NF1: variants seen among roughly 807,000 people sequenced by gnomAD.
NF1 encodes neurofibromin.
NF1 carries 122 observed loss-of-function variants against 325.7 expected under a neutral mutation model. The ratio of observed to expected loss-of-function variants is 0.37; its 90% CI spans 0.32 to 0.44. The LOEUF is 0.44. Among genes scored for constraint, NF1 ranks in the 20% least tolerant of loss-of-function variants. NF1 has a pLI of 1.00. For missense variants in NF1, 2,140 were observed against 3,415.4 expected (o/e 0.63, Z 9.31); for synonymous variants, 1,091 against 1,186.0 (o/e 0.92, Z 1.65).
At chr17:31,159,246 TGACA>T (rs1427295318) in intron 3 of NF1, among the ~76,000 whole-genome samples, 153 bp downstream of exon 3, 1 of 152,172 alleles carries the variant, frequency 6.6e-6, no homozygotes, top group Non-Finnish European at 1.5e-5. Context: ...GCTGACCTGG[TGACA>T]GACAATTTTT....
chr17:31,265,468 T>A, intron 36 of NF1, 129 bp downstream of exon 36: 1 of 692,604 alleles, frequency 1.4e-6, no homozygotes, highest in Non-Finnish European at 2.6e-6. Context: ...TGGGAGCATA[T>A]AGCAGGGTAA....
chr17:31,100,704 G>A (rs540261132), intron 1 of NF1, among the ~76,000 whole-genome samples: 1 of 152,048 alleles, frequency 6.6e-6, no homozygotes, highest in Admixed American at 6.6e-5. Context: ...CAAGTAGCTG[G>A]GACTACAGGC....
intron 8 of NF1, 159 bp downstream of exon 8, chr17:31,182,824 A>G (rs926276073): frequency 3.0e-6 from 2 of 673,774 alleles, no homozygotes; most frequent in Non-Finnish European, 5.1e-6. Flanking sequence ...TAGAAGAGAC[A>G]TACTCATACA....
At chr17:31,158,724 A>ATG (rs1206417686) in intron 2 of NF1, among the ~76,000 whole-genome samples, 1 of 152,162 alleles carries the variant, frequency 6.6e-6, no homozygotes, top group African/African-American at 2.4e-5. Context: ...ACAGGTCTAT[A>ATG]TGTGTGTCTA....
At chr17:31,272,962 C>T (rs2067931181) in intron 36 of NF1, among the ~76,000 whole-genome samples, 1 of 151,978 alleles carries the variant, frequency 6.6e-6, no homozygotes, top group African/African-American at 2.4e-5. Context: ...TTGAGGGCTA[C>T]CAACTGAAGG....
intron 51 of NF1, among the ~76,000 whole-genome samples, chr17:31,353,097 CAG>C (rs2070191927): frequency 1.3e-5 from 2 of 152,154 alleles, no homozygotes; most frequent in South Asian, 4.2e-4. Flanking sequence ...TTAGTAGAGA[CAG>C]AGTTTCACCA....
rs576460082 is a variant in NF1 at position 31,098,655 on chromosome 17, C to T, written c.60+3286C>T. On this transcript the variant is annotated intron_variant, in intron 1 of 57. Transcript: ENST00000358273. ...TTGTATAAGAATCTTAAGAGTTGGC[C>T]GGGCGCGGCGGCTCACGCCTGTGAT... Among the ~76,000 whole-genome samples, 18 of 151,544 alleles carry T rather than the reference C, an allele frequency of 1.2e-4. 1 individual carries two copies. The highest frequency in any genetic ancestry group is 2.9e-4 in the African/African-American group (12 of 41,542).
In NF1 at chr17:31,138,965, G is replaced by A. The variant is rs1297489985; in HGVS notation, c.61-17018G>A. On this transcript the variant is annotated intron_variant, in intron 1 of 57. Transcript: ENST00000358273. ...TATCTTTTTTCTCAAAATTAATTGT[G>A]TGTACTTGGTTCTTTTTCTTTCATG... Among the ~76,000 whole-genome samples the A allele has an allele frequency of 3.9e-5, 6 of 151,996 alleles. No individual in the cohort carries two copies. The South Asian group carries it at 1.0e-3, about 26-fold the overall frequency.
chr17:31,204,738 C>G (rs1326952191), intron 11 of NF1, among the ~76,000 whole-genome samples: 1 of 151,964 alleles, frequency 6.6e-6, no homozygotes, highest in Admixed American at 6.6e-5. Context: ...CTTAGTTTAT[C>G]AGTTTCTGAC....
intron 1 of NF1, among the ~76,000 whole-genome samples, chr17:31,104,969 A>ATCATAGCTCACCATAGCCTCGAAC (rs1912720034): frequency 6.6e-6 from 1 of 152,136 alleles, no homozygotes; most frequent in Non-Finnish European, 1.5e-5. Flanking sequence ...CAGTGGTGTG[A>ATCATAGCTCACCATAGCCTCGAAC]TCATAGCTCA....
Position 31,374,700 on chromosome 17 carries a change from C to T in NF1, c.*545C>T, listed in dbSNP as rs1443468051. 1 of 235,260 alleles carries T rather than the reference C, an allele frequency of 4.3e-6. No individual in the cohort carries two copies. The highest frequency in any genetic ancestry group is 8.4e-6 in the Non-Finnish European group (1 of 119,066). The allele number at this position is 235,260 out of a possible 1,614,324, so 14.6% of individuals were successfully genotyped here. A position where few individuals can be genotyped will look rare whatever the true frequency, so the allele number is the denominator to read the frequency against. On this transcript the variant is annotated 3_prime_UTR_variant, in exon 58 of 58. Transcript: ENST00000358273. ...TGAAAGAACCATAGAGGTCAAGCCT[C>T]AGTGACTTGACACCATAAAGCCACA...
chr17:31,291,517 G>A (rs998503069), intron 36 of NF1, among the ~76,000 whole-genome samples: 1 of 152,112 alleles, frequency 6.6e-6, no homozygotes, highest in Non-Finnish European at 1.5e-5. Flanking sequence ...TGTTTCGATT[G>A]TGATTTTAAT....
chr17:31,129,387 T>C (rs1356676122), intron 1 of NF1, among the ~76,000 whole-genome samples: 1 of 152,134 alleles, frequency 6.6e-6, no homozygotes, highest in Non-Finnish European at 1.5e-5. Context: ...AAGCCAATCT[T>C]CAAGCGCTGA....
At chr17:31,286,438 G>T (rs1365633799) in intron 36 of NF1, among the ~76,000 whole-genome samples, 2 of 152,112 alleles carry the variant, frequency 1.3e-5, no homozygotes, top group Non-Finnish European at 2.9e-5. Context: ...GTGTCTCTAA[G>T]CTCATACTTA....
chr17:31,111,644 A>G (rs905290187), intron 1 of NF1, among the ~76,000 whole-genome samples: 1 of 152,172 alleles, frequency 6.6e-6, no homozygotes, highest in Non-Finnish European at 1.5e-5. Flanking sequence ...CTAGAATTCT[A>G]CCTTCAGCAG....
intron 54 of NF1, 148 bp downstream of exon 54, chr17:31,357,517 A>C: frequency 1.4e-6 from 1 of 709,784 alleles, no homozygotes; most frequent in Non-Finnish European, 2.5e-6. Flanking sequence ...AATGAGGGTT[A>C]AGATTAGTTT....
At chr17:31,111,988 A>G (rs917121443) in intron 1 of NF1, among the ~76,000 whole-genome samples, 1 of 152,198 alleles carries the variant, frequency 6.6e-6, no homozygotes, top group Non-Finnish European at 1.5e-5. Flanking sequence ...CATATTTAAA[A>G]TGTATAATTT....
intron 36 of NF1, among the ~76,000 whole-genome samples, chr17:31,267,835 A>G (rs991788747): frequency 7.2e-5 from 11 of 152,196 alleles, no homozygotes; most frequent in Admixed American, 3.3e-4. Context: ...CTAGTTCCCC[A>G]TCTAGAGACC....
At chr17:31,160,679 C>A (rs898973852) in intron 3 of NF1, among the ~76,000 whole-genome samples, 2 of 152,188 alleles carry the variant, frequency 1.3e-5, no homozygotes, top group Non-Finnish European at 2.9e-5. Flanking sequence ...ATATCAGCCA[C>A]ACCCATGACT....
Sources: gnomAD v4.1 joint callset for allele counts (sites outside exome capture counted in the v4.1 genomes callset) on GRCh38, gnomAD v4.1.1 for gene constraint, MANE v1.5 for transcripts, NCBI Gene and HGNC (gene_info 2026-07-23, HGNC 2026-07-21) for gene names.